ARHGAP22: variants seen among roughly 807,000 people sequenced by gnomAD.
The protein encoded by ARHGAP22 is rho GTPase-activating protein 22.
Under a neutral mutation model 59.1 loss-of-function variants are expected in ARHGAP22, and 48 were observed. The ratio of observed to expected loss-of-function variants is 0.81; its 90% CI spans 0.64 to 1.03. ARHGAP22 has a LOEUF of 1.03. ARHGAP22 is among the 50% of genes least tolerant of loss of function. The pLI is 0.00. For missense variants in ARHGAP22, 1,015 were observed against 958.7 expected, an observed-to-expected ratio of 1.06 and a Z score of -0.78; for synonymous variants, 445 against 416.4, an observed-to-expected ratio of 1.07 and a Z score of -0.84.
upstream of ARHGAP22, among the ~76,000 whole-genome samples, chr10:48,654,825 T>TCTTCCTTCCTTC (rs1345861589): frequency 4.0e-3 from 253 of 62,496 alleles, 2 homozygotes; most frequent in African/African-American, 0.011. Context: ...TTTCTTTCTT[T>TCTTCCTTCCTTC]CTTCCTTCCT....
chr10:48,488,996 C>A (rs775110703), intron 3 of ARHGAP22, among the ~76,000 whole-genome samples: 3 of 152,180 alleles, frequency 2.0e-5, no homozygotes, highest in Non-Finnish European at 4.4e-5. Flanking sequence ...TCAGCTGGGG[C>A]ACATGTAGGG....
intron 5 of ARHGAP22, among the ~76,000 whole-genome samples, chr10:48,456,809 G>GTCCC (rs533684105): frequency 1.6e-3 from 238 of 150,786 alleles, no homozygotes; most frequent in African/African-American, 5.6e-3. Flanking sequence ...TCCTTTCCTC[G>GTCCC]TCCCTCCCTC....
intron 1 of ARHGAP22, chr10:48,623,867 G>A (rs986589673): frequency 1.3e-5 from 2 of 152,156 alleles, no homozygotes; most frequent in African/African-American, 4.8e-5. Context: ...AATTCAAATT[G>A]GTGACAAAAT....
chr10:48,483,694 GTGGAATGTCTAT>G, intron 3 of ARHGAP22, among the ~76,000 whole-genome samples: 1 of 151,926 alleles, frequency 6.6e-6, no homozygotes. Context: ...GTCTTCTTTT[GTGGAATGTCTAT>G]AGGATCCTTT....
intron 1 of ARHGAP22, among the ~76,000 whole-genome samples, chr10:48,618,397 C>T (rs1374426999): frequency 6.6e-6 from 1 of 151,832 alleles, no homozygotes; most frequent in Non-Finnish European, 1.5e-5. Context: ...ATAACAACAA[C>T]AAAACTACAG....
At chr10:48,568,590 A>G (rs570566223) in intron 2 of ARHGAP22, among the ~76,000 whole-genome samples, 1 of 152,314 alleles carries the variant, frequency 6.6e-6, no homozygotes, top group South Asian at 2.1e-4. Flanking sequence ...AGAGGGAGTG[A>G]CCGCCCACTT....
chr10:48,455,646 C>T (rs184626354), intron 5 of ARHGAP22, among the ~76,000 whole-genome samples: 147 of 152,360 alleles, frequency 9.6e-4, no homozygotes, highest in African/African-American at 3.1e-3. Flanking sequence ...CCCTGCAAGA[C>T]GATGTGGGAG....
chr10:48,591,958 G>C (rs544624928), intron 1 of ARHGAP22, among the ~76,000 whole-genome samples: 1 of 152,330 alleles, frequency 6.6e-6, no homozygotes, highest in South Asian at 2.1e-4. Context: ...CTGTCCTGCA[G>C]AGAGAACTAC....
At chr10:48,522,293 CT>C (rs941379292) in intron 3 of ARHGAP22, among the ~76,000 whole-genome samples, 2 of 152,226 alleles carry the variant, frequency 1.3e-5, no homozygotes, top group African/African-American at 4.8e-5. Flanking sequence ...TCCCAGGCTG[CT>C]GTGGCCAGCC....
intron 3 of ARHGAP22, among the ~76,000 whole-genome samples, chr10:48,553,938 C>A (rs2057105613): frequency 6.6e-6 from 1 of 152,190 alleles, no homozygotes; most frequent in African/African-American, 2.4e-5. Flanking sequence ...AGGGGCCACA[C>A]CCCTCGCCTA....
Position 48,652,212 on chromosome 10 carries a change from T to C in ARHGAP22, c.52+22A>G, listed in dbSNP as rs576921901. On this transcript the variant is annotated intron_variant, in intron 1 of 9. Coordinates refer to the ARHGAP22 transcript ENST00000435790. ...AATGCAAAGGTAATCATTTCCCACATAGAACATAAAAAAATTCTTACTGAA... is the reference window on the plus strand; with the variant it reads ...AATGCAAAGGTAATCATTTCCCACACAGAACATAAAAAAATTCTTACTGAA... 5.7e-5 allele frequency: 87 copies of C among 1,530,416 alleles called. 1 individual carries two copies. The South Asian group carries it at 7.7e-4, about 14-fold the overall frequency. 94.8% of individuals were successfully genotyped at this position (1,530,416 alleles called of 1,614,324 possible). A position where few individuals can be genotyped will look rare whatever the true frequency, so the allele number is the denominator to read the frequency against.
intron 3 of ARHGAP22, among the ~76,000 whole-genome samples, chr10:48,507,296 G>A (rs1406445895): frequency 3.3e-5 from 5 of 152,218 alleles, no homozygotes; most frequent in Non-Finnish European, 7.3e-5. Flanking sequence ...GGTCCCCTAT[G>A]AGCCAAACGA....
At chr10:48,484,230 C>G (rs527257343) in intron 3 of ARHGAP22, among the ~76,000 whole-genome samples, 1 of 152,174 alleles carries the variant, frequency 6.6e-6, no homozygotes, top group East Asian at 1.9e-4. Flanking sequence ...TAGATTTTGT[C>G]AAATGTCTTT....
chr10:48,509,434 G>A (rs1015694904), intron 3 of ARHGAP22, among the ~76,000 whole-genome samples: 4 of 152,228 alleles, frequency 2.6e-5, no homozygotes, highest in Non-Finnish European at 5.9e-5. Flanking sequence ...CTGTGCAGAC[G>A]CTCCATGAAT....
At chr10:48,565,347 G>A (rs531843274) in intron 2 of ARHGAP22, among the ~76,000 whole-genome samples, 1 of 152,272 alleles carries the variant, frequency 6.6e-6, no homozygotes, top group East Asian at 1.9e-4. Context: ...CCTAAGAAAG[G>A]GCAGTGCTGC....
intron 3 of ARHGAP22, among the ~76,000 whole-genome samples, chr10:48,492,765 G>A (rs7895980): frequency 0.19 from 28,437 of 151,922 alleles, 2,780 homozygotes; most frequent in Middle Eastern, 0.24. Context: ...TGTTGACCAG[G>A]CTGGTCTCAA....
At chr10:48,568,126 G>T (rs2135457106) in intron 2 of ARHGAP22, among the ~76,000 whole-genome samples, 1 of 152,322 alleles carries the variant, frequency 6.6e-6, no homozygotes. Flanking sequence ...ACCTTGGGCT[G>T]CTGGGAGCTG....
At chr10:48,495,443 C>G (rs540072740) in intron 3 of ARHGAP22, among the ~76,000 whole-genome samples, 1 of 152,228 alleles carries the variant, frequency 6.6e-6, no homozygotes, top group Non-Finnish European at 1.5e-5. Flanking sequence ...GGTCACATGA[C>G]TAATAAGATG....
the ARHGAP22 span, among the ~76,000 whole-genome samples, chr10:48,432,734 T>G: frequency 6.6e-6 from 1 of 152,210 alleles, no homozygotes; most frequent in Non-Finnish European, 1.5e-5. Flanking sequence ...AGCATTTGTA[T>G]TTGTTCTTAA....
Sources: gnomAD v4.1 joint callset for allele counts (sites outside exome capture counted in the v4.1 genomes callset) on GRCh38, gnomAD v4.1.1 for gene constraint, MANE v1.5 for transcripts, NCBI Gene and HGNC (gene_info 2026-07-23, HGNC 2026-07-21) for gene names.